SYNPR: variants seen among roughly 807,000 people sequenced by gnomAD.
SYNPR encodes the protein synaptoporin.
SYNPR carries 23 observed loss-of-function variants against 32.9 expected under a neutral mutation model. The observed-to-expected ratio is 0.70, with a 90% CI of 0.50 to 0.99. The LOEUF is 0.99. SYNPR is among the 50% of genes least tolerant of loss of function. SYNPR has a pLI of 0.00. For synonymous variants in SYNPR, 146 were observed against 135.9 expected (o/e 1.07, Z -0.52); for missense variants, 318 against 349.3 (o/e 0.91, Z 0.71).
intron 4 of SYNPR, among the ~76,000 whole-genome samples, chr3:63,596,415 C>T (rs563489260): frequency 6.6e-6 from 1 of 150,754 alleles, no homozygotes; most frequent in Non-Finnish European, 1.5e-5. Flanking sequence ...CCTCTCTCAT[C>T]CTCCTTATTT....
chr3:63,204,678 C>T, the SYNPR span, among the ~76,000 whole-genome samples: 2 of 151,478 alleles, frequency 1.3e-5, no homozygotes, highest in African/African-American at 2.4e-5. Context: ...AAATACTCCT[C>T]GAGTGATTTT....
intron 2 of SYNPR, chr3:63,351,393 T>G (rs1442560896): frequency 6.6e-6 from 1 of 152,192 alleles, no homozygotes; most frequent in Non-Finnish European, 1.5e-5. Flanking sequence ...CAAGTGTGAG[T>G]GCACCCTAGT....
At chr3:63,246,471 G>A (rs2086291456) in intron 1 of SYNPR, among the ~76,000 whole-genome samples, 1 of 152,056 alleles carries the variant, frequency 6.6e-6, no homozygotes, top group South Asian at 2.1e-4. Context: ...CTGACCTCAT[G>A]GAGATTTTAT....
chr3:63,478,399 C>A (rs1700976733), intron 2 of SYNPR, among the ~76,000 whole-genome samples: 1 of 152,014 alleles, frequency 6.6e-6, no homozygotes, highest in South Asian at 2.1e-4. Context: ...TTGAATGAAG[C>A]ATTTTGAAAC....
At chr3:63,365,052 A>C (rs17378875) in intron 2 of SYNPR, among the ~76,000 whole-genome samples, 10,629 of 152,254 alleles carry the variant, frequency 0.07, 540 homozygotes, top group Non-Finnish European at 0.1. Context: ...ACGAAAAGGG[A>C]GTGATCACTT....
chr3:63,360,653 T>C (rs540505259), intron 2 of SYNPR, among the ~76,000 whole-genome samples: 2 of 152,196 alleles, frequency 1.3e-5, no homozygotes. Flanking sequence ...TTGAACATAC[T>C]AGTTCATTTC....
At chr3:63,417,371 C>G (rs893055838) in intron 2 of SYNPR, among the ~76,000 whole-genome samples, 15 of 152,232 alleles carry the variant, frequency 9.9e-5, no homozygotes, top group Non-Finnish European at 2.2e-4. Context: ...AGGGTGCAGC[C>G]TCCCTCCTGG....
chr3:63,503,944 A>G (rs1701536601), intron 3 of SYNPR, among the ~76,000 whole-genome samples: 1 of 152,116 alleles, frequency 6.6e-6, no homozygotes, highest in Non-Finnish European at 1.5e-5. Flanking sequence ...TATACCCAGC[A>G]TTAACAGATT....
Position 63,614,765 on chromosome 3 carries a change from T to C in SYNPR, c.601-459T>C, listed in dbSNP as rs551523550. Among the ~76,000 whole-genome samples, 11 of 152,314 alleles carry C rather than the reference T, an allele frequency of 7.2e-5. No individual in the cohort carries two copies. The South Asian group carries it at 1.9e-3, about 26-fold the overall frequency. The stretch of plus-strand genomic sequence containing the variant: ...GCCTTATAAATGAATGCACCATTAT[T>C]AAAGTGAAAATTCTCAACCCTGTGC... On this transcript the variant is annotated intron_variant, in intron 5 of 5. Coordinates refer to ENST00000478300, the MANE Select transcript of SYNPR (RefSeq NM_001130003.2).
chr3:63,237,291 C>T (rs1432486357), intron 1 of SYNPR, among the ~76,000 whole-genome samples: 2 of 151,384 alleles, frequency 1.3e-5, no homozygotes, highest in Admixed American at 6.6e-5. Flanking sequence ...ATTTCTGTGT[C>T]CTCAAGTTTA....
the SYNPR span, among the ~76,000 whole-genome samples, chr3:63,201,950 T>C: frequency 1.3e-5 from 2 of 152,164 alleles, no homozygotes; most frequent in Non-Finnish European, 1.5e-5. Context: ...TATGTACTGG[T>C]TGAGATTCTT....
chr3:63,296,259 T>A (rs1419440251), intron 2 of SYNPR, among the ~76,000 whole-genome samples: 3 of 149,870 alleles, frequency 2.0e-5, no homozygotes, highest in Non-Finnish European at 4.4e-5. Flanking sequence ...TTAGTGCTAA[T>A]AGTATGAAGT....
chr3:63,287,978 G>T (rs1256613230), intron 2 of SYNPR, among the ~76,000 whole-genome samples: 1 of 152,162 alleles, frequency 6.6e-6, no homozygotes, highest in African/African-American at 2.4e-5. Context: ...TAGCAAGAGT[G>T]CCACTATTAT....
chr3:63,270,930 TTTCCTTCCTTCCTTCTTTTCTTCC>T (rs1188922852), intron 3 of SYNPR, among the ~76,000 whole-genome samples: 3,013 of 33,102 alleles, frequency 0.091, 201 homozygotes, highest in African/African-American at 0.24. Context: ...TCCTTCTTTC[TTTCCTTCCTTCCTTCTTTTCTTCC>T]TTCCTTCCTT....
chr3:63,546,534 G>A (rs1029868666), intron 3 of SYNPR, among the ~76,000 whole-genome samples: 3 of 152,098 alleles, frequency 2.0e-5, no homozygotes, highest in African/African-American at 7.2e-5. Flanking sequence ...ATCTTCACAT[G>A]TCTGAGTACA....
intron 1 of SYNPR, among the ~76,000 whole-genome samples, chr3:63,230,771 T>G (rs2086160836): frequency 6.6e-6 from 1 of 152,128 alleles, no homozygotes; most frequent in African/African-American, 2.4e-5. Flanking sequence ...AGGGTTGCTG[T>G]GAAGGATAAA....
chr3:63,229,521 CAATGTACACAGTTGCATT>C (rs1560162662), intron 1 of SYNPR, among the ~76,000 whole-genome samples: 1 of 152,056 alleles, frequency 6.6e-6, no homozygotes. Flanking sequence ...CACCCTTTTG[CAATGTACACAGTTGCATT>C]TTTGTATGGT....
intron 3 of SYNPR, among the ~76,000 whole-genome samples, chr3:63,484,907 A>G (rs1053062048): frequency 1.3e-5 from 2 of 152,168 alleles, no homozygotes; most frequent in Non-Finnish European, 2.9e-5. Flanking sequence ...TTCCCTGATT[A>G]TAGAAGACCT....
At chr3:63,554,005 A>G (rs1327993892) in intron 3 of SYNPR, among the ~76,000 whole-genome samples, 2 of 152,166 alleles carry the variant, frequency 1.3e-5, no homozygotes, top group Non-Finnish European at 2.9e-5. Context: ...TACAGGCGTG[A>G]GCCACCATGC....
Sources: allele counts gnomAD v4.1 joint callset (sites outside exome capture counted in the v4.1 genomes callset), GRCh38; gene constraint gnomAD v4.1.1; transcripts MANE v1.5; gene names NCBI Gene and HGNC (gene_info 2026-07-23, HGNC 2026-07-21).